The following MGST1 variants were observed in gnomAD, a reference collection of about 807,000 sequenced individuals.
MGST1 encodes microsomal glutathione S-transferase 1.
A neutral mutation model predicts 8.9 loss-of-function variants in MGST1; 5 were observed. The ratio of observed to expected loss-of-function variants is 0.56; its 90% CI spans 0.29 to 1.19. The LOEUF (loss-of-function observed/expected upper bound fraction) is 1.19. Among genes scored for constraint, MGST1 ranks in the 50% most tolerant of loss-of-function variants. The pLI is 0.08. For missense variants in MGST1, 182 were observed against 187.4 expected (o/e 0.97, Z 0.17); for synonymous variants, 54 against 67.8 (o/e 0.80, Z 1.00).
intron 4 of MGST1, among the ~76,000 whole-genome samples, chr12:16,531,060 T>G (rs1591753349): frequency 6.9e-6 from 1 of 144,916 alleles, no homozygotes; most frequent in Non-Finnish European, 1.5e-5. Context: ...AGGGAGAGAA[T>G]AGTGGTGCTT....
At chr12:16,562,825 GTC>G (rs1942449971) in intron 4 of MGST1, among the ~76,000 whole-genome samples, 1 of 152,216 alleles carries the variant, frequency 6.6e-6, no homozygotes, top group Non-Finnish European at 1.5e-5. Flanking sequence ...AATGGTCCGA[GTC>G]TCTGATGGCT....
chr12:16,432,202 T>G (rs1447627983), intron 1 of MGST1, among the ~76,000 whole-genome samples: 1 of 152,054 alleles, frequency 6.6e-6, no homozygotes, highest in African/African-American at 2.4e-5. Flanking sequence ...TTCTGATAAG[T>G]TTAAGGAGAG....
At chr12:16,387,509 A>C (rs1431742521) in intron 1 of MGST1, among the ~76,000 whole-genome samples, 6 of 151,486 alleles carry the variant, frequency 4.0e-5, no homozygotes, top group Non-Finnish European at 7.4e-5. Flanking sequence ...ATTCATGATA[A>C]ATGCCCTATA....
chr12:16,514,456 C>T, intron 4 of MGST1: 1 of 262,616 alleles, frequency 3.8e-6, no homozygotes, highest in South Asian at 4.2e-5. Flanking sequence ...CAGCTGGTCT[C>T]TAACCTCAAG....
intron 1 of MGST1, among the ~76,000 whole-genome samples, chr12:16,394,524 T>C (rs12304159): frequency 0.5 from 33,593 of 66,854 alleles, 5,524 homozygotes; most frequent in East Asian, 0.59. Context: ...CTTTCTTTCT[T>C]TCTTTCTTTC....
chr12:16,471,920 T>TACACAC (rs10628214), intron 4 of MGST1, among the ~76,000 whole-genome samples: 1 of 148,920 alleles, frequency 6.7e-6, no homozygotes, highest in East Asian at 2.0e-4. Flanking sequence ...TACACACACA[T>TACACAC]ACACACACAC....
chr12:16,372,159 C>T (rs558801115), intron 3 of MGST1, among the ~76,000 whole-genome samples: 22 of 152,058 alleles, frequency 1.4e-4, no homozygotes, highest in South Asian at 2.1e-4. Context: ...AAAACACAGG[C>T]GACCAAAGCA....
chr12:16,484,150 A>G (rs1366835665), intron 4 of MGST1, among the ~76,000 whole-genome samples: 1 of 152,180 alleles, frequency 6.6e-6, no homozygotes, highest in African/African-American at 2.4e-5. Flanking sequence ...TTAGTTTGCA[A>G]TGATCATGAG....
chr12:16,527,712 T>C (rs933817723), intron 4 of MGST1, among the ~76,000 whole-genome samples: 1 of 151,908 alleles, frequency 6.6e-6, no homozygotes, highest in Admixed American at 6.6e-5. Flanking sequence ...TCATGGGGAA[T>C]AATAATAATA....
At chr12:16,357,773 GGGTCT>G in intron 3 of MGST1, 74 bp downstream of exon 3, 1 of 1,212,262 alleles carries the variant, frequency 8.2e-7, no homozygotes, top group Middle Eastern at 1.9e-4. Context: ...AGATGTCTCA[GGGTCT>G]TGGAGACTGA....
intron 1 of MGST1, chr12:16,348,976 G>A (rs1939329223): frequency 6.6e-6 from 1 of 152,126 alleles, no homozygotes; most frequent in Admixed American, 6.5e-5. Flanking sequence ...TCTCCCGAGA[G>A]GCACCAGCAT....
At chr12:16,491,262 A>G (rs1453632065) in intron 4 of MGST1, among the ~76,000 whole-genome samples, 1 of 152,216 alleles carries the variant, frequency 6.6e-6, no homozygotes, top group East Asian at 1.9e-4. Context: ...TATGTGTAAA[A>G]TGGAGCTGAA....
chr12:16,429,241 A>G (rs1302560893), intron 1 of MGST1, among the ~76,000 whole-genome samples: 1 of 152,112 alleles, frequency 6.6e-6, no homozygotes, highest in Non-Finnish European at 1.5e-5. Context: ...ATAAATCATA[A>G]TTCAGTTACT....
intron 4 of MGST1, among the ~76,000 whole-genome samples, chr12:16,567,099 G>A (rs1395698488): frequency 6.6e-6 from 1 of 152,180 alleles, no homozygotes; most frequent in African/African-American, 2.4e-5. Flanking sequence ...AGGAGGCTGA[G>A]CCAGGAGAAT....
In MGST1 at chr12:16,370,165, G is replaced by A. The variant is rs1288070376; in HGVS notation, c.222-5957G>A. The stretch of plus-strand genomic sequence containing the variant: ...AATTTTATCAGATTAGTGGTAATCT[G>A]TGATATGCTCAGTATGAGAGCAATA... On this transcript the variant is annotated intron_variant, in intron 3 of 3. Coordinates refer to the MGST1 transcript ENST00000535309. 11 of 152,196 alleles carry A rather than the reference G, an allele frequency of 7.2e-5. 1 individual carries two copies. The highest frequency in any genetic ancestry group is 7.2e-4 in the Admixed American group (11 of 15,282). 9.4% of individuals were successfully genotyped at this position (152,196 alleles called of 1,614,324 possible).
intron 4 of MGST1, among the ~76,000 whole-genome samples, chr12:16,453,315 T>G (rs1941144707): frequency 6.6e-6 from 1 of 151,954 alleles, no homozygotes; most frequent in Admixed American, 6.6e-5. Flanking sequence ...AAGCTTTTCC[T>G]TAACATTTAT....
chr12:16,482,777 G>A lies in MGST1; in HGVS notation n.482+99173G>A, dbSNP rs771075895. Among the ~76,000 whole-genome samples the A allele has an allele frequency of 7.2e-5, 11 of 152,260 alleles. No homozygotes were observed. Among genetic ancestry groups the A allele is most frequent in the Admixed American group, 2.0e-4 (3 of 15,302 alleles). Reference sequence around the variant, plus strand: ...ACGCAAAGGATTAGACTATCATGTCGGATACACCGAAATCAGAGACCTTAC... The same window carrying A: ...ACGCAAAGGATTAGACTATCATGTCAGATACACCGAAATCAGAGACCTTAC... On this transcript the variant is annotated intron_variant and non_coding_transcript_variant, in intron 4 of 4. Coordinates refer to the MGST1 transcript ENST00000538857. This position sits in a 1 kb window ranked among gnomAD's most constrained non-coding sequence, Gnocchi z 4.2.
rs573680578 is a variant in MGST1, at chr12:16,575,543, C to T, written n.483-13985C>T. Among the ~76,000 whole-genome samples, 25 of 152,220 alleles carry T rather than the reference C, an allele frequency of 1.6e-4. No individual in the cohort carries two copies. The South Asian group carries it at 3.3e-3, about 20-fold the overall frequency. On this transcript the variant is annotated intron_variant and non_coding_transcript_variant, in intron 4 of 4. Transcript: ENST00000538857. Reference sequence around the variant, plus strand: ...CAGACACTGTTCTAAGCATTTGACACGAGTTATTTCATTAATCCTCAGGAC... The same window carrying T: ...CAGACACTGTTCTAAGCATTTGACATGAGTTATTTCATTAATCCTCAGGAC...
intron 4 of MGST1, among the ~76,000 whole-genome samples, chr12:16,535,296 C>T (rs545518691): frequency 4.7e-4 from 72 of 152,236 alleles, no homozygotes; most frequent in African/African-American, 1.5e-3. Flanking sequence ...AAGTGGCCTC[C>T]GCGAGAGTTA....
Sources: gnomAD v4.1 joint callset for allele counts (sites outside exome capture counted in the v4.1 genomes callset) on GRCh38, gnomAD v4.1.1 for gene constraint, Gnocchi (gnomAD v3.1) non-coding constraint, MANE v1.5 for transcripts, NCBI Gene and HGNC (gene_info 2026-07-23, HGNC 2026-07-21) for gene names.